TRAK1: variants seen among roughly 807,000 people sequenced by gnomAD.
TRAK1 encodes the protein trafficking kinesin-binding protein 1.
TRAK1 carries 33 observed loss-of-function variants against 92.1 expected under a neutral mutation model. The ratio of observed to expected loss-of-function variants is 0.36; its 90% CI spans 0.27 to 0.48. The LOEUF (loss-of-function observed/expected upper bound fraction) is 0.48. Among genes scored for constraint, TRAK1 ranks in the 20% least tolerant of loss-of-function variants. The pLI, the probability that TRAK1 is intolerant of heterozygous loss-of-function variation, is 0.99. For synonymous variants in TRAK1, 521 were observed against 517.3 expected, an observed-to-expected ratio of 1.01 and a Z score of -0.10; for missense variants, 1,123 against 1,257.9, an observed-to-expected ratio of 0.89 and a Z score of 1.62.
At chr3:42,137,824 C>CA (rs1408848517) in intron 2 of TRAK1, among the ~76,000 whole-genome samples, 3 of 152,124 alleles carry the variant, frequency 2.0e-5, no homozygotes, top group Non-Finnish European at 4.4e-5. Flanking sequence ...GCCATTTCTC[C>CA]ATCATCCACG....
intron 13 of TRAK1, among the ~76,000 whole-genome samples, chr3:42,204,759 A>G (rs919594941): frequency 6.6e-6 from 1 of 151,990 alleles, no homozygotes; most frequent in African/African-American, 2.4e-5. Flanking sequence ...TAATTTATTT[A>G]TTTGTAGAGA....
intron 1 of TRAK1, among the ~76,000 whole-genome samples, chr3:42,117,373 G>A (rs917040595): frequency 6.6e-6 from 1 of 152,078 alleles, no homozygotes; most frequent in Non-Finnish European, 1.5e-5. Flanking sequence ...CCAGCAGGTG[G>A]CAGTTGTGGT....
At chr3:42,097,584 T>G (rs1300454996) in intron 1 of TRAK1, among the ~76,000 whole-genome samples, 1 of 152,258 alleles carries the variant, frequency 6.6e-6, no homozygotes, top group Non-Finnish European at 1.5e-5. Flanking sequence ...TGATCTGAGA[T>G]AAATGCTTAA....
chr3:42,122,473 A>G (rs1010070128), intron 1 of TRAK1, among the ~76,000 whole-genome samples: 3 of 151,922 alleles, frequency 2.0e-5, no homozygotes, highest in Non-Finnish European at 4.4e-5. Context: ...TACTAGGGAT[A>G]GGCTGGCACT....
chr3:42,212,455 A>G (rs1388370377), intron 14 of TRAK1: 15 of 985,460 alleles, frequency 1.5e-5, no homozygotes, highest in Non-Finnish European at 1.8e-5. Context: ...CTGCTGTCCC[A>G]TGGAGAAAAA....
chr3:42,158,669 C>T (rs1013682664), intron 2 of TRAK1, among the ~76,000 whole-genome samples: 6 of 148,310 alleles, frequency 4.0e-5, no homozygotes, highest in Non-Finnish European at 7.4e-5. Flanking sequence ...GAGGTCTGGG[C>T]GTGGTGGTTC....
intron 11 of TRAK1, among the ~76,000 whole-genome samples, chr3:42,199,738 C>T (rs1468998019): frequency 2.0e-5 from 3 of 152,208 alleles, no homozygotes; most frequent in Non-Finnish European, 4.4e-5. Context: ...GGATTACAGG[C>T]GTGAGCCACC....
chr3:42,098,958 G>A (rs557236779), intron 1 of TRAK1, among the ~76,000 whole-genome samples: 128 of 151,934 alleles, frequency 8.4e-4, no homozygotes, highest in Non-Finnish European at 1.5e-3. Flanking sequence ...GGAAGTGGGC[G>A]GTAGAGGCCA....
chr3:42,026,047 CCT>C lies in TRAK1; in HGVS notation c.-519+11933_-519+11934del, dbSNP rs1701902399. On this transcript the variant is annotated intron_variant, in intron 1 of 16. Transcript: ENST00000487159. ...TCTTCTTTCTCCGTTTATCTTTCTCCCTCTGTCTCTTTCTTGCTTTCCTCTAT... is the reference window on the plus strand; with the variant it reads ...TCTTCTTTCTCCGTTTATCTTTCTCCCTGTCTCTTTCTTGCTTTCCTCTAT... 2.0e-5 allele frequency among the ~76,000 whole-genome samples: 3 copies of C among 151,728 alleles called. No individual in the cohort carries two copies. The South Asian group carries it at 6.2e-4, about 32-fold the overall frequency.
chr3:42,201,930 A>ACACC (rs1707686990), intron 12 of TRAK1, among the ~76,000 whole-genome samples: 3 of 142,500 alleles, frequency 2.1e-5, no homozygotes, highest in Non-Finnish European at 3.1e-5. Flanking sequence ...ACACACACAC[A>ACACC]CCATTGTCTA....
intron 1 of TRAK1, among the ~76,000 whole-genome samples, chr3:42,110,331 G>C (rs1708219500): frequency 6.6e-6 from 1 of 151,622 alleles, no homozygotes; most frequent in South Asian, 2.1e-4. Flanking sequence ...AGGGGTGGGG[G>C]TTGATGGATC....
chr3:42,115,107 A>G (rs932052383), intron 1 of TRAK1, among the ~76,000 whole-genome samples: 1 of 152,242 alleles, frequency 6.6e-6, no homozygotes, highest in African/African-American at 2.4e-5. Context: ...ATCGACAGTA[A>G]TAGTCTATTT....
At chr3:42,014,289 CT>C (rs1157171142) in intron 1 of TRAK1, among the ~76,000 whole-genome samples, 2 of 152,210 alleles carry the variant, frequency 1.3e-5, no homozygotes, top group Non-Finnish European at 2.9e-5. Flanking sequence ...GCAGGAGGCC[CT>C]CGGAGCCCGG....
chr3:42,050,487 C>G (rs1576182205), intron 1 of TRAK1, among the ~76,000 whole-genome samples: 2 of 152,240 alleles, frequency 1.3e-5, no homozygotes, highest in South Asian at 4.1e-4. Context: ...AAGCCCTGAA[C>G]CCCCTTAGAG....
chr3:42,140,122 T>C (rs1026548762), intron 2 of TRAK1, among the ~76,000 whole-genome samples: 1 of 152,168 alleles, frequency 6.6e-6, no homozygotes, highest in African/African-American at 2.4e-5. Flanking sequence ...GCACGTTGGC[T>C]CCTCAGTGCT....
intron 1 of TRAK1, among the ~76,000 whole-genome samples, chr3:42,059,306 G>A (rs1703331334): frequency 6.6e-6 from 1 of 152,122 alleles, no homozygotes; most frequent in African/African-American, 2.4e-5. Context: ...GTGTTGCCCA[G>A]GCTGGGACTT....
chr3:42,040,742 G>C (rs1435940699), intron 1 of TRAK1, among the ~76,000 whole-genome samples: 4 of 151,622 alleles, frequency 2.6e-5, no homozygotes, highest in Non-Finnish European at 4.4e-5. Flanking sequence ...CAGTGGCACG[G>C]ATCTCGGCTC....
intron 6 of TRAK1, among the ~76,000 whole-genome samples, chr3:42,191,318 T>C (rs998588128): frequency 4.6e-5 from 7 of 152,244 alleles, no homozygotes; most frequent in African/African-American, 9.6e-5. Flanking sequence ...TGCCCGTAGC[T>C]GTGTGTGGCG....
intron 14 of TRAK1, chr3:42,217,306 C>T (rs768923068): frequency 1.7e-5 from 17 of 985,148 alleles, no homozygotes; most frequent in Admixed American, 1.2e-4. Context: ...CGGGTCCAGG[C>T]GTCCTGGTGG....
Sources: allele counts gnomAD v4.1 joint callset (sites outside exome capture counted in the v4.1 genomes callset), GRCh38; gene constraint gnomAD v4.1.1; transcripts MANE v1.5; gene names NCBI Gene and HGNC (gene_info 2026-07-23, HGNC 2026-07-21).